SHROOM3: variants seen among roughly 807,000 people sequenced by gnomAD.
The protein encoded by SHROOM3 is shroom family member 3, also known as protein Shroom3.
In SHROOM3, 47 loss-of-function variants were observed where a neutral mutation model predicts 138.6. That is an observed-to-expected ratio of 0.34 (90% CI 0.27 to 0.43). The LOEUF (loss-of-function observed/expected upper bound fraction) is 0.43, where lower values mean the gene tolerates loss of function less well. Among genes scored for constraint, SHROOM3 ranks in the 20% least tolerant of loss-of-function variants. The pLI, the probability that SHROOM3 is intolerant of heterozygous loss-of-function variation, is 1.00. For missense variants in SHROOM3, 2,491 were observed against 2,596.5 expected (o/e 0.96, Z 0.88); for synonymous variants, 1,062 against 1,063.3 (o/e 1.00, Z 0.02).
intron 2 of SHROOM3, among the ~76,000 whole-genome samples, chr4:76,620,153 A>T (rs1734971633): frequency 6.6e-6 from 1 of 151,818 alleles, no homozygotes; most frequent in Non-Finnish European, 1.5e-5. Flanking sequence ...GGATGTTTGA[A>T]GCTCATCGAC....
rs770302928 is a variant in SHROOM3, at chr4:76,555,763, G to A, written c.323G>A (p.Arg108Lys). Reference sequence around the variant, plus strand: ...AAGACCCTCAGGCTGGTAGTGCGCAGGTAGGTGGCAGACCCCCACCCTGTC... The same window carrying A: ...AAGACCCTCAGGCTGGTAGTGCGCAAGTAGGTGGCAGACCCCCACCCTGTC... ...SYKTLRLVVR[R>K]DVCTDPGHAD... The change falls in exon 2 of 11, where the codon AGA becomes AAA. Residue 108 changes from arginine (R) to lysine (K), a missense_variant and splice_region_variant. Around this residue, in one of 4 missense-constraint regions of SHROOM3, gnomAD observed 284 missense variants for 322.8 expected, o/e 0.88. Coordinates refer to ENST00000296043, the MANE Select transcript of SHROOM3 (RefSeq NM_020859.4). 2.5e-6 allele frequency: 4 copies of A among 1,612,096 alleles called. No individual in the cohort carries two copies. The highest frequency in any genetic ancestry group is 2.2e-5 in the East Asian group (1 of 44,874).
chr4:76,458,666 C>G (rs1731082258), intron 1 of SHROOM3, among the ~76,000 whole-genome samples: 1 of 152,074 alleles, frequency 6.6e-6, no homozygotes, highest in Non-Finnish European at 1.5e-5. Context: ...AAGAAAAGAA[C>G]AGTTTTATTG....
At chr4:76,478,620 G>A (rs891026968) in intron 1 of SHROOM3, among the ~76,000 whole-genome samples, 5 of 152,288 alleles carry the variant, frequency 3.3e-5, no homozygotes, top group Non-Finnish European at 1.5e-5. Context: ...CACGGTGCTC[G>A]AGCTATGCTA....
chr4:76,486,863 A>G (rs1731742539), intron 1 of SHROOM3, among the ~76,000 whole-genome samples: 1 of 152,136 alleles, frequency 6.6e-6, no homozygotes, highest in African/African-American at 2.4e-5. Flanking sequence ...ACTTGTGCTG[A>G]GTAACTACTT....
chr4:76,685,387 CA>C (rs34181315), intron 2 of SHROOM3, among the ~76,000 whole-genome samples: 29,358 of 149,378 alleles, frequency 0.2, 3,250 homozygotes, highest in East Asian at 0.36. Flanking sequence ...AAAAAAATCA[CA>C]AAAAAAAAAT....
intron 2 of SHROOM3, among the ~76,000 whole-genome samples, chr4:76,638,208 A>G (rs1239091954): frequency 6.6e-6 from 1 of 152,230 alleles, no homozygotes; most frequent in African/African-American, 2.4e-5. Context: ...TATTTATAAC[A>G]GATGTTAGAT....
At chr4:76,465,189 T>C (rs551973931) in intron 1 of SHROOM3, among the ~76,000 whole-genome samples, 1 of 152,368 alleles carries the variant, frequency 6.6e-6, no homozygotes, top group East Asian at 1.9e-4. Context: ...TCTACATATG[T>C]ATGTATGCAT....
chr4:76,491,718 T>A (rs1295001130), intron 1 of SHROOM3, among the ~76,000 whole-genome samples: 1 of 152,090 alleles, frequency 6.6e-6, no homozygotes, highest in Non-Finnish European at 1.5e-5. Context: ...ACCGTCTGCC[T>A]CTCTTATGTG....
At chr4:76,703,444 G>T (rs1468885320) in intron 2 of SHROOM3, among the ~76,000 whole-genome samples, 1 of 152,166 alleles carries the variant, frequency 6.6e-6, no homozygotes, top group Non-Finnish European at 1.5e-5. Flanking sequence ...AGATGTCTGT[G>T]AAACGGCTGA....
intron 2 of SHROOM3, among the ~76,000 whole-genome samples, chr4:76,667,143 G>GT (rs1331845795): frequency 6.6e-6 from 1 of 152,122 alleles, no homozygotes; most frequent in Non-Finnish European, 1.5e-5. Flanking sequence ...AAACTGAAGA[G>GT]TAAAAGAGTT....
chr4:76,494,741 C>A (rs1045885512), intron 1 of SHROOM3, among the ~76,000 whole-genome samples: 2 of 152,134 alleles, frequency 1.3e-5, no homozygotes, highest in South Asian at 2.1e-4. Flanking sequence ...GTGGGAGGGA[C>A]CTTTCGTGGT....
rs1720177150 is a variant in SHROOM3, at chr4:76,709,794, A to T, written c.324-362A>T. ...ACCACCTCGTTTGACAGTTTGCTTC[A>T]GTGAATCCAGTTTTTCCCTTATTAC... On this transcript the variant is annotated intron_variant, in intron 2 of 10. Coordinates refer to ENST00000296043, the MANE Select transcript of SHROOM3 (RefSeq NM_020859.4). 12 of 290,750 alleles carry T rather than the reference A, an allele frequency of 4.1e-5. No individual in the cohort carries two copies. The Admixed American group carries it at 5.9e-4, about 14-fold the overall frequency. The allele number at this position is 290,750 out of a possible 1,614,324, so 18.0% of individuals were successfully genotyped here. A position where few individuals can be genotyped will look rare whatever the true frequency, so the allele number is the denominator to read the frequency against.
At chr4:76,578,341 T>C (rs1310885588) in intron 2 of SHROOM3, among the ~76,000 whole-genome samples, 3 of 152,202 alleles carry the variant, frequency 2.0e-5, no homozygotes, top group African/African-American at 4.8e-5. Context: ...GGTACTTAAA[T>C]GAGATCCTCT....
chr4:76,706,039 A>G (rs1720036001), intron 2 of SHROOM3, among the ~76,000 whole-genome samples: 1 of 152,198 alleles, frequency 6.6e-6, no homozygotes, highest in Non-Finnish European at 1.5e-5. Context: ...TGATTAACAT[A>G]TTTTGTATGT....
chr4:76,677,049 A>C (rs1018419633), intron 2 of SHROOM3, among the ~76,000 whole-genome samples: 1 of 152,182 alleles, frequency 6.6e-6, no homozygotes, highest in African/African-American at 2.4e-5. Context: ...AAAAGGTACA[A>C]TTTTTAAAGA....
chr4:76,687,842 G>A (rs1719385280), intron 2 of SHROOM3, among the ~76,000 whole-genome samples: 2 of 152,186 alleles, frequency 1.3e-5, no homozygotes, highest in South Asian at 2.1e-4. Context: ...CAGAAGTAGA[G>A]GGATCTGTTC....
chr4:76,740,824 G>T lies in SHROOM3; in HGVS notation c.2651G>T (p.Arg884Leu), dbSNP rs748142702. The T allele has an allele frequency of 1.5e-5, 24 of 1,600,806 alleles. No individual in the cohort carries two copies. Among genetic ancestry groups the T allele is most frequent in the Admixed American group, 1.4e-4 (8 of 59,140 alleles). Reference protein sequence around the residue: ...SGRGPQRPDARLLRSQSTFQL... With the variant: ...SGRGPQRPDALLLRSQSTFQL... ...CGTGGCCCCCAGAGGCCGGACGCTC[G>T]GCTCCTCCGTAGCCAGAGCACCTTC... The change falls in exon 5 of 11, where the codon CGG (arginine) becomes CTG (leucine). Residue 884 changes from arginine (R) to leucine (L), a missense_variant. By Grantham distance (102) the Arg-to-Leu change is moderately radical (BLOSUM62 -2). This residue lies in a region of SHROOM3 where 1,733 missense variants were observed against 1,661.6 expected (regional missense o/e 1.04). Transcript: ENST00000296043. This position sits in a 1 kb window ranked among gnomAD's most constrained non-coding sequence, Gnocchi z 4.0.
In SHROOM3 at chr4:76,739,447, C is replaced by G; in HGVS notation, c.1274C>G (p.Ser425Cys). Residue 425 changes from serine to cysteine, a missense_variant, in exon 5 of 11, where the codon TCT (serine) becomes TGT (cysteine). Around this residue, in one of 4 missense-constraint regions of SHROOM3, gnomAD observed 1,733 missense variants for 1,661.6 expected, o/e 1.04. Coordinates refer to ENST00000296043, the MANE Select transcript of SHROOM3 (RefSeq NM_020859.4). ...GCAAACTCTTTAGGCTCCCTGAAGT[C>G]TCCATTCATAGAGGAGCAGCTGCAT... is the stretch of plus-strand genomic sequence containing the variant. ...PQANSLGSLK[S>C]PFIEEQLHTV... 6.2e-7 allele frequency: 1 copy of G among 1,614,182 alleles called. No homozygotes were observed. Among genetic ancestry groups the G allele is most frequent in the Non-Finnish European group, 8.5e-7 (1 of 1,180,028 alleles).
At chr4:76,493,588 T>C (rs1260439293) in intron 1 of SHROOM3, among the ~76,000 whole-genome samples, 2 of 152,198 alleles carry the variant, frequency 1.3e-5, no homozygotes, top group African/African-American at 4.8e-5. Flanking sequence ...ATTAGGAGCC[T>C]GGCTAGGACG....
Sources: gnomAD v4.1 joint callset for allele counts (sites outside exome capture counted in the v4.1 genomes callset) on GRCh38, gnomAD v4.1.1 for gene constraint, gnomAD v4.1.1 regional missense constraint, Gnocchi (gnomAD v3.1) non-coding constraint, MANE v1.5 for transcripts, NCBI Gene and HGNC (gene_info 2026-07-23, HGNC 2026-07-21) for gene names.